Variants in LSR observed in about 807,000 individuals in gnomAD.
LSR encodes lipolysis-stimulated lipoprotein receptor.
In LSR, 44 loss-of-function variants were observed where a neutral mutation model predicts 61.8. The ratio of observed to expected loss-of-function variants is 0.71; its 90% CI spans 0.56 to 0.91. The LOEUF (loss-of-function observed/expected upper bound fraction) is 0.91. Ranked by LOEUF, LSR falls within the 40% of genes least tolerant of loss-of-function variation. The probability of loss-of-function intolerance (pLI) is 0.00; values close to 1 mark genes in which losing one functional copy is unlikely to be tolerated. For missense variants in LSR, 911 were observed against 830.5 expected (o/e 1.10, Z -1.19); for synonymous variants, 397 against 350.6 (o/e 1.13, Z -1.48).
intron 3 of LSR, among the ~76,000 whole-genome samples, chr19:35,260,899 G>C (rs954077865): frequency 6.6e-6 from 1 of 152,150 alleles, no homozygotes; most frequent in Non-Finnish European, 1.5e-5. Context: ...GCATCAGGGA[G>C]CCTGGGAAAC....
At chr19:35,266,157 G>A (rs2065995074) in intron 5 of LSR, among the ~76,000 whole-genome samples, 1 of 152,242 alleles carries the variant, frequency 6.6e-6, no homozygotes, top group African/African-American at 2.4e-5. Context: ...TGGGGTCTCT[G>A]TGAAGCTGGT....
chr19:35,267,053 G>A, intron 8 of LSR, 56 bp from the exon 9 acceptor site: 1 of 1,543,778 alleles, frequency 6.5e-7, no homozygotes, highest in South Asian at 1.3e-5. Flanking sequence ...GACTCTTGGT[G>A]CAAACCCTGG....
chr19:35,249,013 G>C lies in LSR; in HGVS notation c.-10G>C, dbSNP rs758034301. On this transcript the variant is annotated 5_prime_UTR_variant, in exon 1 of 10. Coordinates refer to ENST00000605618, the MANE Select transcript of LSR (RefSeq NM_205834.4). Reference sequence around the variant, plus strand: ...GGGACGCGCGGGCCAGACGCGCCCAGACGGCCGCGATGGCGCTGTTGGCCG... The same window carrying C: ...GGGACGCGCGGGCCAGACGCGCCCACACGGCCGCGATGGCGCTGTTGGCCG... 5 of 1,608,486 alleles carry C rather than the reference G, an allele frequency of 3.1e-6. No homozygotes were observed. The South Asian group carries it at 5.5e-5, about 18-fold the overall frequency.
At chr19:35,259,124 T>C in intron 3 of LSR, 60 bp downstream of exon 3, 1 of 1,571,518 alleles carries the variant, frequency 6.4e-7, no homozygotes, top group East Asian at 2.3e-5. Flanking sequence ...CTGTTCTGTC[T>C]GCCCTCCCCT....
intron 3 of LSR, 132 bp from the exon 4 acceptor site, chr19:35,261,793 G>T: frequency 1.9e-6 from 1 of 529,160 alleles, no homozygotes; most frequent in Non-Finnish European, 3.3e-6. Flanking sequence ...CATGCACTAG[G>T]GCTTCAGCCC....
chr19:35,250,098 C>T (rs1175374978), intron 1 of LSR, among the ~76,000 whole-genome samples: 3 of 152,036 alleles, frequency 2.0e-5, no homozygotes, highest in Admixed American at 1.3e-4. Flanking sequence ...GGAAACTGGC[C>T]GTGTCACCGT....
intron 1 of LSR, chr19:35,249,374 A>G: frequency 2.0e-6 from 1 of 505,966 alleles, no homozygotes; most frequent in Non-Finnish European, 3.4e-6. Context: ...GGACGGTGAG[A>G]CCCGGAGCGG....
At chr19:35,253,903 C>T (rs898872216) in intron 2 of LSR, among the ~76,000 whole-genome samples, 10 of 152,190 alleles carry the variant, frequency 6.6e-5, no homozygotes, top group Admixed American at 2.6e-4. Flanking sequence ...GCCCTGCATG[C>T]TCCAGGGGCC....
intron 1 of LSR, 121 bp downstream of exon 1, chr19:35,249,252 C>A: frequency 1.6e-6 from 2 of 1,264,866 alleles, no homozygotes; most frequent in Admixed American, 3.0e-5. Flanking sequence ...ACCTTCCGAT[C>A]CCCTGGGTCT....
rs926558007 is a variant in LSR at position 35,262,490 on chromosome 19, C to T, written c.632-56C>T. 3.8e-5 allele frequency: 60 copies of T among 1,599,916 alleles called. No individual in the cohort carries two copies. In the Middle Eastern group the frequency reaches 5.0e-4, roughly 13 times the overall value. On this transcript the variant is annotated intron_variant, in intron 4 of 9. Transcript: ENST00000605618. Reference sequence around the variant, plus strand: ...TCCGCACCATGTACCCCTGCTGTGCCGTTAGCCCTGTTCCCTCCCAGGCCT... The same window carrying T: ...TCCGCACCATGTACCCCTGCTGTGCTGTTAGCCCTGTTCCCTCCCAGGCCT...
Position 35,261,957 on chromosome 19 carries a change from G to A in LSR, c.607G>A (p.Gly203Ser). The A allele has an allele frequency of 1.3e-6, 2 of 1,500,666 alleles. No homozygotes were observed. Among genetic ancestry groups the A allele is most frequent in the Non-Finnish European group, 1.8e-6 (2 of 1,134,170 alleles). The allele number at this position is 1,500,666 out of a possible 1,614,324, so 93.0% of individuals were successfully genotyped here. The change falls in exon 4 of 10, where the codon GGT (glycine) becomes AGT (serine). Residue 203 changes from glycine (G) to serine (S), a missense_variant. Coordinates refer to ENST00000605618, the MANE Select transcript of LSR (RefSeq NM_205834.4). Reference protein sequence around the residue: ...RTSGVAELLPGFQAGPIEDWL... With the variant: ...RTSGVAELLPSFQAGPIEDWL... ...CTCAGGGGTGGCTGAGCTCTTACCT[G>A]GTTTTCAGGCGGGGCCCATAGAAGG... is the stretch of plus-strand genomic sequence containing the variant.
rs2065062478 is a variant in LSR at position 35,266,522 on chromosome 19, G to A, written c.942G>A (p.Arg314=). ...GAGGATACCCTGGAGACGTTGACAG[G>A]AGTAGCTCAGGTGAGGCCGGGGGAA... ...YPGGYPGDVD[R]SSSAGGQGSY... is the part of the protein sequence containing the mutation. Residue 314 remains arginine (R), a synonymous_variant, in exon 6 of 10, where the codon AGG becomes AGA. Coordinates refer to ENST00000605618, the MANE Select transcript of LSR (RefSeq NM_205834.4). 6.2e-6 allele frequency: 10 copies of A among 1,605,418 alleles called. No individual in the cohort carries two copies. Among genetic ancestry groups the A allele is most frequent in the Non-Finnish European group, 8.5e-6 (10 of 1,174,688 alleles).
chr19:35,249,450 C>A, intron 1 of LSR: 1 of 370,710 alleles, frequency 2.7e-6, no homozygotes, highest in Non-Finnish European at 4.9e-6. Context: ...AAAAGAAAAG[C>A]CGGGATGGGA....
intron 3 of LSR, among the ~76,000 whole-genome samples, chr19:35,261,335 T>C (rs1224498847): frequency 6.6e-6 from 1 of 152,146 alleles, no homozygotes; most frequent in Non-Finnish European, 1.5e-5. Flanking sequence ...TCACAAAGAG[T>C]TTATTCCTGT....
intron 2 of LSR, among the ~76,000 whole-genome samples, chr19:35,252,618 C>A (rs955545475): frequency 5.3e-5 from 7 of 132,200 alleles, no homozygotes; most frequent in African/African-American, 2.0e-4. Context: ...CACTGTACTG[C>A]AGTCTGGGCG....
intron 5 of LSR, among the ~76,000 whole-genome samples, chr19:35,265,554 C>T (rs2065986067): frequency 6.6e-6 from 1 of 152,220 alleles, no homozygotes; most frequent in African/African-American, 2.4e-5. Context: ...GGGCCCATCT[C>T]TCTCCTCCAT....
chr19:35,258,306 TGTG>T (rs1333726076), intron 2 of LSR, among the ~76,000 whole-genome samples: 1 of 151,904 alleles, frequency 6.6e-6, no homozygotes, highest in Non-Finnish European at 1.5e-5. Flanking sequence ...ATTAGCCAGG[TGTG>T]GTGGCAGGTG....
chr19:35,254,464 G>A (rs560171322), intron 2 of LSR, among the ~76,000 whole-genome samples: 4 of 152,262 alleles, frequency 2.6e-5, no homozygotes, highest in East Asian at 3.9e-4. Context: ...GCATCCCTCC[G>A]GTCCGGTGGC....
intron 2 of LSR, among the ~76,000 whole-genome samples, chr19:35,255,479 C>T (rs2519958): frequency 0.098 from 14,584 of 149,296 alleles, 924 homozygotes; most frequent in Non-Finnish European, 0.15. Flanking sequence ...GGGCTAGGGG[C>T]GGTGGCTCAT....
Sources: allele counts gnomAD v4.1 joint callset (sites outside exome capture counted in the v4.1 genomes callset), GRCh38; gene constraint gnomAD v4.1.1; transcripts MANE v1.5; gene names NCBI Gene and HGNC (gene_info 2026-07-23, HGNC 2026-07-21).